ENTR1: variants seen among roughly 807,000 people sequenced by gnomAD.
ENTR1 encodes the protein endosome associated trafficking regulator 1.
A neutral mutation model predicts 47.9 loss-of-function variants in ENTR1; 47 were observed. That is an observed-to-expected ratio of 0.98 (90% confidence interval 0.78 to 1.25). The LOEUF is 1.25. Ranked by LOEUF, ENTR1 falls within the 50% of genes most tolerant of loss-of-function variation. The pLI, the probability that ENTR1 is intolerant of heterozygous loss-of-function variation, is 0.00. For missense variants in ENTR1, 668 were observed against 570.5 expected (o/e 1.17, Z -1.74); for synonymous variants, 290 against 245.8 (o/e 1.18, Z -1.68).
intron 6 of ENTR1, 144 bp downstream of exon 6, chr9:136,405,761 C>A: frequency 1.8e-6 from 1 of 556,956 alleles, no homozygotes; most frequent in Non-Finnish European, 3.1e-6. Flanking sequence ...TTAGGCAGAA[C>A]ACAGAAATGT....
In ENTR1 at chr9:136,407,816, G is replaced by C; in HGVS notation, c.402+10C>G. The C allele has an allele frequency of 2.5e-6, 4 of 1,591,076 alleles. No individual in the cohort carries two copies. The highest frequency in any genetic ancestry group is 3.5e-6 in the Non-Finnish European group (4 of 1,159,168). ...CCACAGAGCCATCGCCCACAGTGCC[G>C]TGGATTTACCTTTGCATAAATTCTG... On this transcript the variant is annotated intron_variant, in intron 4 of 9. Transcript: ENST00000357365.
intron 6 of ENTR1, 37 bp downstream of exon 6, chr9:136,405,868 T>C (rs1251249149): frequency 2.4e-6 from 3 of 1,274,674 alleles, no homozygotes; most frequent in Non-Finnish European, 2.2e-6. Flanking sequence ...GTGTATTAGA[T>C]GTTGTGGATT....
chr9:136,409,183 CT>C (rs35168798), intron 2 of ENTR1, 116 bp from the exon 3 acceptor site: 127,688 of 549,796 alleles, frequency 0.23, 1,887 homozygotes, highest in South Asian at 0.28. Flanking sequence ...GTCTAGAGAA[CT>C]TTTTTTTTTT....
rs1835054803 is a variant in ENTR1 at position 136,410,511 on chromosome 9, C to G, written c.-114G>C. The stretch of plus-strand genomic sequence containing the variant: ...CCGCCCCCGTCGCCCGCCCCCGTCG[C>G]CCGCCGCTCGGCCGCCCCCGCGCCT... On this transcript the variant is annotated 5_prime_UTR_variant, in exon 1 of 10. Coordinates refer to ENST00000357365, the MANE Select transcript of ENTR1 (RefSeq NM_001039707.2). 4.0e-6 allele frequency: 4 copies of G among 995,648 alleles called. No individual in the cohort carries two copies. The highest frequency in any genetic ancestry group is 3.7e-6 in the Non-Finnish European group (3 of 809,320). The allele number at this position is 995,648 out of a possible 1,614,324, so 61.7% of individuals were successfully genotyped here.
intron 2 of ENTR1, 89 bp from the exon 3 acceptor site, chr9:136,409,156 C>G (rs1834940018): frequency 1.9e-6 from 2 of 1,078,936 alleles, no homozygotes; most frequent in African/African-American, 3.1e-5. Flanking sequence ...GGAGTCTCCA[C>G]TGCAGTGGTT....
intron 5 of ENTR1, 46 bp downstream of exon 5, chr9:136,407,099 C>T (rs371170506): frequency 4.2e-5 from 65 of 1,530,624 alleles, no homozygotes; most frequent in Middle Eastern, 2.4e-4. Flanking sequence ...CGGGAGAAGC[C>T]GCTCGGACAG....
At chr9:136,409,341 C>T (rs1017857089) in intron 2 of ENTR1, among the ~76,000 whole-genome samples, 21 of 152,118 alleles carry the variant, frequency 1.4e-4, no homozygotes, top group African/African-American at 4.8e-4. Flanking sequence ...CCACCACGCC[C>T]GGCTAATTTT....
intron 3 of ENTR1, 23 bp downstream of exon 3, chr9:136,408,975 GA>G: frequency 6.2e-7 from 1 of 1,605,656 alleles, no homozygotes; most frequent in Non-Finnish European, 8.5e-7. Context: ...GAGACAAGAA[GA>G]AAAGGTTGCT....
intron 7 of ENTR1, 36 bp from the exon 8 acceptor site, chr9:136,404,729 A>T: frequency 6.2e-7 from 1 of 1,608,150 alleles, no homozygotes. Flanking sequence ...AAAAAGCATC[A>T]CTGATGTCCT....
In ENTR1 at chr9:136,405,133, C is replaced by T. The variant is rs1412499360; in HGVS notation, c.963G>A (p.Glu321=). The T allele has an allele frequency of 1.1e-5, 18 of 1,613,852 alleles. No individual in the cohort carries two copies. The Admixed American group carries it at 1.3e-4, about 12-fold the overall frequency. ...TCTGCTCCACCTGCTGAACCACCGA[C>T]TCCAGGTCGTGGTAGTCGCTTTCCT... The part of the protein sequence containing the change: ...IKEESDYHDL[E]SVVQQVEQNL... The change falls in exon 7 of 10, where the codon GAG becomes GAA. Residue 321 remains glutamate, a synonymous_variant. Transcript: ENST00000357365.
At position 136,407,160 on chromosome 9, in the gene ENTR1, C is replaced by T. The variant is rs746983882; in HGVS notation, c.804G>A (p.Gln268=). 1.2e-6 allele frequency: 2 copies of T among 1,600,138 alleles called. No homozygotes were observed. The highest frequency in any genetic ancestry group is 2.2e-5 in the South Asian group (2 of 90,428). The stretch of plus-strand genomic sequence containing the variant: ...GCTCACTTACTGCGTCGTAACTTAT[C>T]TGCAGCGTCCGCAGGTGCCTGTCTC... ...SLGDRHLRTL[Q]ISYDALKDEN... is the part of the protein sequence containing the mutation. The change falls in exon 5 of 10, where the codon CAG becomes CAA. Residue 268 remains glutamine, a synonymous_variant. Transcript: ENST00000357365.
At position 136,405,665 on chromosome 9, in the gene ENTR1, C is replaced by CA. The variant is rs572277557; in HGVS notation, c.893+239dup. Among the ~76,000 whole-genome samples, 74 of 152,276 alleles carry CA rather than the reference C, an allele frequency of 4.9e-4. 1 individual carries two copies. Among genetic ancestry groups the CA allele is most frequent in the Admixed American group, 1.6e-3 (25 of 15,300 alleles). On this transcript the variant is annotated intron_variant, in intron 6 of 9. Coordinates refer to ENST00000357365, the MANE Select transcript of ENTR1 (RefSeq NM_001039707.2). ...GCTGAGATGGGAGGATTGCTGGAGC[C>CA]AAGGAGGTCAAGGCTGCAGTGAGCC...
In ENTR1 at chr9:136,405,166, C is replaced by T; in HGVS notation, c.930G>A (p.Met310Ile). 6.2e-7 allele frequency: 1 copy of T among 1,614,032 alleles called. No homozygotes were observed. The highest frequency in any genetic ancestry group is 1.1e-5 in the South Asian group (1 of 91,068). The change falls in exon 7 of 10, where the codon ATG becomes ATA. Residue 310 changes from methionine (M) to isoleucine (I), a missense_variant. Coordinates refer to ENST00000357365, the MANE Select transcript of ENTR1 (RefSeq NM_001039707.2). ...RTLERKLEAKMIKEESDYHDL... is the reference protein window; with the variant it reads ...RTLERKLEAKIIKEESDYHDL... The stretch of plus-strand genomic sequence containing the variant: ...CGTGGTAGTCGCTTTCCTCCTTGAT[C>T]ATTTTTGCTTCTAACTTCCGCTCAA...
At chr9:136,404,024 C>A in intron 9 of ENTR1, 31 bp downstream of exon 9, 1 of 1,556,216 alleles carries the variant, frequency 6.4e-7, no homozygotes, top group Non-Finnish European at 8.7e-7. Context: ...CCTTTCCCCG[C>A]CAGGCTTCCC....
chr9:136,405,958 C>T lies in ENTR1; in HGVS notation c.840G>A (p.Lys280=). The T allele has an allele frequency of 3.7e-6, 6 of 1,609,474 alleles. No homozygotes were observed. The highest frequency in any genetic ancestry group is 5.1e-6 in the Non-Finnish European group (6 of 1,178,280). ...SYDALKDENS[K]LRRKLNEVQS... ...GAACCTCATTCAGCTTTCTTCTCAG[C>T]TTAGAATTTTCATCTTTCAGCTGTG... Residue 280 remains lysine, a synonymous_variant, in exon 6 of 10, where the codon AAG becomes AAA. Coordinates refer to ENST00000357365, the MANE Select transcript of ENTR1 (RefSeq NM_001039707.2).
At chr9:136,405,858 G>T in intron 6 of ENTR1, 47 bp downstream of exon 6, 1 of 1,164,080 alleles carries the variant, frequency 8.6e-7, no homozygotes, top group Non-Finnish European at 1.2e-6. Flanking sequence ...GGATTTCCCT[G>T]TGTATTAGAT....
intron 2 of ENTR1, chr9:136,409,784 G>T: frequency 4.1e-6 from 2 of 484,626 alleles, no homozygotes; most frequent in South Asian, 1.9e-5. Flanking sequence ...GCTCCAGCTC[G>T]GTTTCCAATC....
intron 9 of ENTR1, among the ~76,000 whole-genome samples, chr9:136,403,229 C>T (rs907720752): frequency 7.2e-5 from 4 of 55,778 alleles, no homozygotes; most frequent in Non-Finnish European, 1.0e-4. Flanking sequence ...AGGGTTCTGG[C>T]GGGGAGAAAG....
rs761313653 is a variant in ENTR1 at position 136,404,153 on chromosome 9, C to A, written c.1110G>T (p.Arg370=). The A allele has an allele frequency of 2.5e-6, 4 of 1,612,868 alleles. No individual in the cohort carries two copies. In the South Asian group the frequency reaches 4.4e-5, roughly 18 times the overall value. ...SNFQRENEAL[R]CGQGASLTVV... ...CGGTCAGGCTGGCACCCTGGCCGCA[C>A]CGCAGGGCTTCATTCTCTCGCTGGA... Residue 370 remains arginine, a synonymous_variant, in exon 9 of 10, where the codon CGG becomes CGT. Transcript: ENST00000357365.
Sources: gnomAD v4.1 joint callset for allele counts (sites outside exome capture counted in the v4.1 genomes callset) on GRCh38, gnomAD v4.1.1 for gene constraint, MANE v1.5 for transcripts, NCBI Gene and HGNC (gene_info 2026-07-23, HGNC 2026-07-21) for gene names.